Variants in RGS7BP observed in about 807,000 individuals in gnomAD.
RGS7BP encodes regulator of G protein signaling 7 binding protein.
A neutral mutation model predicts 31.3 loss-of-function variants in RGS7BP; 9 were observed. The ratio of observed to expected loss-of-function variants is 0.29; its 90% CI spans 0.17 to 0.50. The LOEUF (loss-of-function observed/expected upper bound fraction) is 0.50. Among genes scored for constraint, RGS7BP ranks in the 20% least tolerant of loss-of-function variants. RGS7BP has a pLI of 0.98. For missense variants in RGS7BP, 274 were observed against 322.0 expected (o/e 0.85, Z 1.14); for synonymous variants, 115 against 120.1 (o/e 0.96, Z 0.28).
chr5:64,548,067 CATT>C (rs1741702515), intron 2 of RGS7BP, among the ~76,000 whole-genome samples: 1 of 152,040 alleles, frequency 6.6e-6, no homozygotes, highest in East Asian at 1.9e-4. Flanking sequence ...ATTCATATAA[CATT>C]ATCCATAATT....
chr5:64,532,146 A>G (rs1749386234), intron 2 of RGS7BP, among the ~76,000 whole-genome samples: 1 of 152,224 alleles, frequency 6.6e-6, no homozygotes, highest in African/African-American at 2.4e-5. Flanking sequence ...GGTGCTCACC[A>G]AAGACAGATT....
At chr5:64,606,127 T>A (rs1334600365) in intron 5 of RGS7BP, among the ~76,000 whole-genome samples, 2 of 151,414 alleles carry the variant, frequency 1.3e-5, no homozygotes, top group African/African-American at 2.4e-5. Flanking sequence ...AGGTTTTTTT[T>A]AATCCACTGT....
chr5:64,542,698 G>C (rs140719606), intron 2 of RGS7BP, among the ~76,000 whole-genome samples: 1,964 of 152,274 alleles, frequency 0.013, 45 homozygotes, highest in African/African-American at 0.044. Context: ...GACATGGCTT[G>C]ATTTACCAGT....
intron 3 of RGS7BP, among the ~76,000 whole-genome samples, chr5:64,583,367 C>T (rs1406539389): frequency 2.6e-5 from 4 of 151,822 alleles, no homozygotes; most frequent in Non-Finnish European, 5.9e-5. Flanking sequence ...CCAGCCTGGG[C>T]GACAGAGCAA....
chr5:64,535,237 G>A (rs1347898839), intron 2 of RGS7BP, among the ~76,000 whole-genome samples: 2 of 152,128 alleles, frequency 1.3e-5, no homozygotes. Context: ...GCTCTTCATG[G>A]AAACATGTAC....
At chr5:64,536,896 T>C (rs759492165) in intron 2 of RGS7BP, among the ~76,000 whole-genome samples, 1 of 152,188 alleles carries the variant, frequency 6.6e-6, no homozygotes, top group South Asian at 2.1e-4. Flanking sequence ...AAAAAAATGC[T>C]ATCAAATTTG....
chr5:64,515,385 C>T (rs1373091895), intron 2 of RGS7BP, among the ~76,000 whole-genome samples: 3 of 152,126 alleles, frequency 2.0e-5, no homozygotes, highest in Non-Finnish European at 2.9e-5. Flanking sequence ...AACAAATCAG[C>T]AGGCAGTGTG....
chr5:64,550,092 T>C lies in RGS7BP; in HGVS notation c.333-25682T>C, dbSNP rs116145032. Among the ~76,000 whole-genome samples the C allele has an allele frequency of 6.3e-3, 954 of 152,296 alleles. 9 individuals carry two copies. Among genetic ancestry groups the C allele is most frequent in the African/African-American group, 0.019 (803 of 41,556 alleles). The stretch of plus-strand genomic sequence containing the variant: ...TTACCAGAATCACCCTTAACCTCCA[T>C]TTCTGGCATGTACATTGAAACTCTT... On this transcript the variant is annotated intron_variant, in intron 2 of 5. Transcript: ENST00000334025.
chr5:64,564,074 A>C (rs1235409425), intron 2 of RGS7BP, among the ~76,000 whole-genome samples: 2 of 152,184 alleles, frequency 1.3e-5, no homozygotes, highest in Admixed American at 1.3e-4. Context: ...CTATCTCTTA[A>C]CATTGAATAG....
chr5:64,529,231 GA>G (rs1288125097), intron 2 of RGS7BP, among the ~76,000 whole-genome samples: 1 of 152,124 alleles, frequency 6.6e-6, no homozygotes, highest in Non-Finnish European at 1.5e-5. Context: ...TTTCATTTCA[GA>G]AAGAATGCCT....
At chr5:64,577,946 C>T (rs183664985) in intron 3 of RGS7BP, among the ~76,000 whole-genome samples, 30 of 152,314 alleles carry the variant, frequency 2.0e-4, no homozygotes, top group Non-Finnish European at 7.3e-5. Flanking sequence ...GTGATCTCTA[C>T]TCCTAGTCCT....
intron 2 of RGS7BP, among the ~76,000 whole-genome samples, chr5:64,522,791 C>T (rs562547263): frequency 1.1e-3 from 166 of 152,260 alleles, no homozygotes; most frequent in African/African-American, 3.9e-3. Flanking sequence ...TATTGCACAG[C>T]GCCATTGTAG....
At chr5:64,571,559 C>T (rs1319343927) in intron 2 of RGS7BP, among the ~76,000 whole-genome samples, 1 of 152,114 alleles carries the variant, frequency 6.6e-6, no homozygotes, top group Non-Finnish European at 1.5e-5. Context: ...ATTTCTGTTG[C>T]TCCACATCAC....
At chr5:64,508,676 TA>T (rs1748757699) in intron 2 of RGS7BP, among the ~76,000 whole-genome samples, 1 of 152,212 alleles carries the variant, frequency 6.6e-6, no homozygotes, top group East Asian at 1.9e-4. Context: ...CAGGAATCCT[TA>T]TACAAATACA....
At chr5:64,555,462 CTT>C in intron 2 of RGS7BP, among the ~76,000 whole-genome samples, 1 of 152,118 alleles carries the variant, frequency 6.6e-6, no homozygotes, top group Admixed American at 6.5e-5. Flanking sequence ...AAACAAGAAA[CTT>C]TAAGTAAAAA....
intron 2 of RGS7BP, among the ~76,000 whole-genome samples, chr5:64,546,895 A>G (rs982795960): frequency 5.3e-5 from 8 of 152,348 alleles, no homozygotes; most frequent in African/African-American, 1.9e-4. Context: ...GAGCATTTCC[A>G]GCACCCCAGA....
chr5:64,568,876 A>G (rs768308283), intron 2 of RGS7BP, among the ~76,000 whole-genome samples: 5 of 151,016 alleles, frequency 3.3e-5, no homozygotes. Flanking sequence ...AATGCTACCC[A>G]TTATTTATCA....
chr5:64,537,939 G>A (rs1294175430), intron 2 of RGS7BP, among the ~76,000 whole-genome samples: 1 of 152,158 alleles, frequency 6.6e-6, no homozygotes, highest in Non-Finnish European at 1.5e-5. Context: ...GAAAAGACAG[G>A]AAAGAAAGAG....
At chr5:64,600,508 A>T (rs986987286) in intron 5 of RGS7BP, among the ~76,000 whole-genome samples, 8 of 152,166 alleles carry the variant, frequency 5.3e-5, no homozygotes, top group Non-Finnish European at 1.0e-4. Flanking sequence ...TTACATTTTT[A>T]AATGTAATAA....
Sources: allele counts gnomAD v4.1 joint callset (sites outside exome capture counted in the v4.1 genomes callset), GRCh38; gene constraint gnomAD v4.1.1; transcripts MANE v1.5; gene names NCBI Gene and HGNC (gene_info 2026-07-23, HGNC 2026-07-21).